Variants in TLE3 observed in about 807,000 individuals in gnomAD.
TLE3 encodes the protein transducin-like enhancer protein 3.
A neutral mutation model predicts 93.0 loss-of-function variants in TLE3; 14 were observed. That is an observed-to-expected ratio of 0.15 (90% CI 0.10 to 0.24). The LOEUF (loss-of-function observed/expected upper bound fraction) is 0.24. Ranked by LOEUF, TLE3 falls within the 10% of genes least tolerant of loss-of-function variation. TLE3 has a pLI of 1.00. For synonymous variants in TLE3, 451 were observed against 425.0 expected (o/e 1.06, Z -0.75); for missense variants, 693 against 1,046.6 (o/e 0.66, Z 4.66).
intron 15 of TLE3, 58 bp from the exon 16 acceptor site, chr15:70,054,743 G>T: frequency 6.7e-7 from 1 of 1,497,516 alleles, no homozygotes; most frequent in East Asian, 2.4e-5. Flanking sequence ...GGCACCAGGA[G>T]AGTCCTGTCC....
Position 70,061,732 on chromosome 15 carries a change from CTGCCCTGGGTCAGCCCTGG to C in TLE3, c.595-1102_595-1084del, listed in dbSNP as rs2056487540. ...CACCCACCCACCAATTTCCGAGCAGCTGCCCTGGGTCAGCCCTGGTGCTGCAGGCCAGGAGTGGCAGAAT... is the reference window on the plus strand; with the variant it reads ...CACCCACCCACCAATTTCCGAGCAGCTGCTGCAGGCCAGGAGTGGCAGAAT... On this transcript the variant is annotated intron_variant, in intron 8 of 19. Coordinates refer to ENST00000451782, the MANE Select transcript of TLE3 (RefSeq NM_001105192.3). 2.6e-5 allele frequency among the ~76,000 whole-genome samples: 4 copies of C among 152,354 alleles called. No individual in the cohort carries two copies. In the South Asian group the frequency reaches 8.3e-4, roughly 32 times the overall value.
chr15:70,055,948 G>A, intron 14 of TLE3: 3 of 407,054 alleles, frequency 7.4e-6, no homozygotes, highest in Non-Finnish European at 9.2e-6. Flanking sequence ...AGCGGCACTG[G>A]GGCCTTCCCA....
intron 1 of TLE3, 195 bp downstream of exon 1, chr15:70,096,580 C>T: frequency 6.6e-7 from 1 of 1,511,076 alleles, no homozygotes; most frequent in South Asian, 1.2e-5. Flanking sequence ...ACACAAGCAG[C>T]CCCCCGCGCC....
Position 70,097,531 on chromosome 15 carries a change from G to A in TLE3, c.-733C>T. On this transcript the variant is annotated 5_prime_UTR_variant, in exon 1 of 20. Coordinates refer to ENST00000451782, the MANE Select transcript of TLE3 (RefSeq NM_001105192.3). ...CGGGCTCAGTAGGTGCAAATCAAACGCCCTGGCATCCTAAGTCCAGCGGGC... is the reference window on the plus strand; with the variant it reads ...CGGGCTCAGTAGGTGCAAATCAAACACCCTGGCATCCTAAGTCCAGCGGGC... 1 of 400,558 alleles carries A rather than the reference G, an allele frequency of 2.5e-6. No homozygotes were observed. The highest frequency in any genetic ancestry group is 1.1e-4 in the South Asian group (1 of 8,740). 24.8% of individuals were successfully genotyped at this position (400,558 alleles called of 1,614,324 possible). A position where few individuals can be genotyped will look rare whatever the true frequency, so the allele number is the denominator to read the frequency against.
intron 1 of TLE3, chr15:70,096,538 G>T (rs1433167214): frequency 1.5e-6 from 2 of 1,367,606 alleles, no homozygotes; most frequent in Admixed American, 2.0e-5. Flanking sequence ...TTCAGAGCGG[G>T]GCCGGGGACC....
intron 7 of TLE3, among the ~76,000 whole-genome samples, chr15:70,064,966 A>G (rs2141625484): frequency 6.6e-6 from 1 of 151,926 alleles, no homozygotes; most frequent in Non-Finnish European, 1.5e-5. Context: ...AATTAACACC[A>G]TTCTGTGATT....
intron 4 of TLE3, chr15:70,079,331 A>C: frequency 2.0e-6 from 1 of 495,460 alleles, no homozygotes; most frequent in Non-Finnish European, 4.1e-6. Context: ...GGCAGGAAGG[A>C]CTTTGGCACG....
At chr15:70,052,011 G>A (rs1213359775) in intron 18 of TLE3, among the ~76,000 whole-genome samples, 2 of 152,238 alleles carry the variant, frequency 1.3e-5, no homozygotes, top group African/African-American at 4.8e-5. Flanking sequence ...TGCACAGCTT[G>A]TCAGTGGAGG....
intron 6 of TLE3, among the ~76,000 whole-genome samples, chr15:70,072,408 G>T (rs2057232364): frequency 6.6e-6 from 1 of 152,194 alleles, no homozygotes; most frequent in Admixed American, 6.5e-5. Flanking sequence ...TCAAGAAGAT[G>T]GTTGAAAGGG....
intron 17 of TLE3, 156 bp from the exon 18 acceptor site, chr15:70,052,680 A>G: frequency 1.5e-6 from 1 of 657,118 alleles, no homozygotes; most frequent in Non-Finnish European, 2.3e-6. Context: ...TTCCATCCCC[A>G]TTTTATAGGT....
In TLE3 at chr15:70,058,936, T is replaced by C. The variant is rs2056282723; in HGVS notation, c.766-121A>G. 7.4e-7 allele frequency: 1 copy of C among 1,352,970 alleles called. No homozygotes were observed. The highest frequency in any genetic ancestry group is 9.7e-7 in the Non-Finnish European group (1 of 1,029,488). 83.8% of individuals were successfully genotyped at this position (1,352,970 alleles called of 1,614,324 possible). ...GGGAAGACGAGCTTGGCTGAAAGAC[T>C]GGGGGCCCCACAGTGAGGAAAAACT... On this transcript the variant is annotated intron_variant, in intron 10 of 19. Transcript: ENST00000451782. This position sits in a 1 kb window ranked among gnomAD's most constrained non-coding sequence, Gnocchi z 4.1.
chr15:70,057,433 A>G (rs954179567), intron 13 of TLE3, 26 bp downstream of exon 13: 7 of 1,566,160 alleles, frequency 4.5e-6, no homozygotes, highest in African/African-American at 2.7e-5. Context: ...CCAGTCCCCA[A>G]GAAAGGAGCC....
chr15:70,058,582 CCT>C lies in TLE3; in HGVS notation c.918+79_918+80del, dbSNP rs2056245933. On this transcript the variant is annotated intron_variant, in intron 11 of 19. Transcript: ENST00000451782. The surrounding 1 kb of genome is among the most constrained non-coding windows in gnomAD (Gnocchi z 4.1). The stretch of plus-strand genomic sequence containing the variant: ...CCCACCCAGCTTCTCCCACTCCACC[CCT>C]CTGCCTGCCAATCGGCACCACCCCA... The C allele has an allele frequency of 6.7e-7, 1 of 1,491,756 alleles. No homozygotes were observed. The highest frequency in any genetic ancestry group is 1.4e-5 in the African/African-American group (1 of 71,526). The allele number at this position is 1,491,756 out of a possible 1,614,324, so 92.4% of individuals were successfully genotyped here. A position where few individuals can be genotyped will look rare whatever the true frequency, so the allele number is the denominator to read the frequency against.
chr15:70,074,922 A>G (rs1164228444), intron 5 of TLE3, among the ~76,000 whole-genome samples: 5 of 152,240 alleles, frequency 3.3e-5, no homozygotes, highest in Admixed American at 1.3e-4. Flanking sequence ...TATGAGCTGG[A>G]TATCAGATGA....
chr15:70,054,952 C>T (rs577482542), intron 15 of TLE3, 97 bp downstream of exon 15: 5 of 1,462,668 alleles, frequency 3.4e-6, no homozygotes, highest in African/African-American at 1.4e-5. Flanking sequence ...TCAGCCAATA[C>T]GATGCTGAGC....
At position 70,058,718 on chromosome 15, in the gene TLE3, G is replaced by C. The variant is rs866296478; in HGVS notation, c.863C>G (p.Ala288Gly). 1.2e-6 allele frequency: 2 copies of C among 1,609,784 alleles called. No individual in the cohort carries two copies. Among genetic ancestry groups the C allele is most frequent in the Middle Eastern group, 3.3e-4 (2 of 6,046 alleles). Residue 288 changes from alanine to glycine, a missense_variant, in exon 11 of 20, where the codon GCC becomes GGC. Ala to Gly is a moderately conservative substitution (Grantham distance 60). Around this residue, in one of 4 missense-constraint regions of TLE3, gnomAD observed 405 missense variants for 468.9 expected, o/e 0.86. Transcript: ENST00000451782. The surrounding 1 kb of genome is among the most constrained non-coding windows in gnomAD (Gnocchi z 4.1). ...SLKKDAPTSP[A>G]SVASSSSTPS... is the part of the protein sequence containing the mutation. ...TGTGCTACTGGAAGAGGCCACCGAG[G>C]CAGGGCTGGTGGGGGCATCTTTTTT...
rs529067248 is a variant in TLE3, at chr15:70,095,110, C to T, written c.189+468G>A. Among the ~76,000 whole-genome samples, 57 of 152,326 alleles carry T rather than the reference C, an allele frequency of 3.7e-4. 1 individual carries two copies. The South Asian group carries it at 0.012, about 31-fold the overall frequency. On this transcript the variant is annotated intron_variant, in intron 3 of 19. Coordinates refer to ENST00000451782, the MANE Select transcript of TLE3 (RefSeq NM_001105192.3). The stretch of plus-strand genomic sequence containing the variant: ...AGAGCTTTACAAGGCCTCTCCACTC[C>T]TCACAACACCCTGGGGAAGGAGGGC...
At chr15:70,068,179 G>A (rs1472364510) in intron 6 of TLE3, among the ~76,000 whole-genome samples, 1 of 152,134 alleles carries the variant, frequency 6.6e-6, no homozygotes, top group African/African-American at 2.4e-5. Context: ...ACATTAAAAA[G>A]TTTTTAAAAT....
chr15:70,071,970 C>A (rs12595105), intron 6 of TLE3, among the ~76,000 whole-genome samples: 3,285 of 152,322 alleles, frequency 0.022, 152 homozygotes, highest in East Asian at 0.21. Flanking sequence ...GACTCCTTCG[C>A]GGGAGTGCAG....
Sources: gnomAD v4.1 joint callset for allele counts (sites outside exome capture counted in the v4.1 genomes callset) on GRCh38, gnomAD v4.1.1 for gene constraint, gnomAD v4.1.1 regional missense constraint, Gnocchi (gnomAD v3.1) non-coding constraint, MANE v1.5 for transcripts, NCBI Gene and HGNC (gene_info 2026-07-23, HGNC 2026-07-21) for gene names.